The following EDN1 variants were observed in gnomAD, a reference collection of about 807,000 sequenced individuals.
EDN1 encodes the protein endothelin-1.
A neutral mutation model predicts 21.7 loss-of-function variants in EDN1; 11 were observed. That is an observed-to-expected ratio of 0.51 (90% CI 0.32 to 0.84). The LOEUF (loss-of-function observed/expected upper bound fraction) is 0.84, where lower values mean the gene tolerates loss of function less well. Ranked by LOEUF, EDN1 falls within the 40% of genes least tolerant of loss-of-function variation. EDN1 has a pLI of 0.03. For synonymous variants in EDN1, 85 were observed against 90.6 expected (o/e 0.94, Z 0.35); for missense variants, 244 against 262.3 (o/e 0.93, Z 0.48).
the EDN1 span, among the ~76,000 whole-genome samples, chr6:12,275,837 G>A: frequency 6.6e-6 from 1 of 151,170 alleles, no homozygotes; most frequent in South Asian, 2.1e-4. Flanking sequence ...GTGGATGCAT[G>A]CATGCCCATT....
At chr6:12,259,960 A>G in the EDN1 span, among the ~76,000 whole-genome samples, 2 of 148,426 alleles carry the variant, frequency 1.3e-5, no homozygotes, top group South Asian at 2.1e-4. Context: ...ACTTTAAAGT[A>G]AAATAATTAA....
the EDN1 span, among the ~76,000 whole-genome samples, chr6:12,274,210 C>T: frequency 6.6e-6 from 1 of 152,312 alleles, no homozygotes; most frequent in South Asian, 2.1e-4. Flanking sequence ...GGAGATATAA[C>T]TAATTCTAAT....
At chr6:12,267,808 T>A in the EDN1 span, among the ~76,000 whole-genome samples, 4 of 152,338 alleles carry the variant, frequency 2.6e-5, no homozygotes, top group South Asian at 8.3e-4. Context: ...GAGAAGTCAA[T>A]GCCTGGCTTC....
chr6:12,238,717 C>A, the EDN1 span, among the ~76,000 whole-genome samples: 1 of 152,100 alleles, frequency 6.6e-6, no homozygotes. Flanking sequence ...TGCAAGAAAA[C>A]CACCATTGTA....
At chr6:12,240,306 G>A in the EDN1 span, among the ~76,000 whole-genome samples, 7 of 152,220 alleles carry the variant, frequency 4.6e-5, no homozygotes, top group African/African-American at 1.7e-4. Context: ...ACCCACAGGC[G>A]GCAGTGAATG....
chr6:12,275,763 C>A, the EDN1 span, among the ~76,000 whole-genome samples: 1 of 151,882 alleles, frequency 6.6e-6, no homozygotes, highest in East Asian at 1.9e-4. Flanking sequence ...CAGACTCACT[C>A]TTTGAGCGAG....
At chr6:12,249,687 T>C in the EDN1 span, among the ~76,000 whole-genome samples, 1 of 152,032 alleles carries the variant, frequency 6.6e-6, no homozygotes, top group Non-Finnish European at 1.5e-5. Flanking sequence ...TATGGCTGTG[T>C]ACATCCTGGA....
At chr6:12,267,173 A>T in the EDN1 span, among the ~76,000 whole-genome samples, 1 of 152,066 alleles carries the variant, frequency 6.6e-6, no homozygotes, top group Non-Finnish European at 1.5e-5. Flanking sequence ...TATTGGCACC[A>T]TTTTTCCAAC....
chr6:12,270,664 T>C, the EDN1 span, among the ~76,000 whole-genome samples: 2 of 152,092 alleles, frequency 1.3e-5, no homozygotes, highest in African/African-American at 4.8e-5. Context: ...GATTTAAAAA[T>C]TTTTTTTGAC....
chr6:12,289,832 T>A (rs1762628644), upstream of EDN1, among the ~76,000 whole-genome samples: 1 of 152,156 alleles, frequency 6.6e-6, no homozygotes, highest in Non-Finnish European at 1.5e-5. Context: ...GAAAAGTACG[T>A]TGATCTGCCA....
chr6:12,261,625 C>T, the EDN1 span, among the ~76,000 whole-genome samples: 5 of 152,288 alleles, frequency 3.3e-5, no homozygotes, highest in African/African-American at 1.2e-4. Context: ...AGAACACTTC[C>T]CCTAATGCTA....
chr6:12,296,209 A>T lies in EDN1; in HGVS notation c.*142A>T. On this transcript the variant is annotated 3_prime_UTR_variant, in exon 5 of 5. Coordinates refer to ENST00000379375, the MANE Select transcript of EDN1 (RefSeq NM_001955.5). ...GCAAAGGACCAGCGTCCTCGTTCAA[A>T]ACATTCCAAGAAAGGTTAAGGAGTT... 2 of 762,796 alleles carry T rather than the reference A, an allele frequency of 2.6e-6. No individual in the cohort carries two copies. Among genetic ancestry groups the T allele is most frequent in the South Asian group, 2.8e-5 (2 of 71,054 alleles). 47.3% of individuals were successfully genotyped at this position (762,796 alleles called of 1,614,324 possible).
chr6:12,292,107 T>C (rs1762695950), intron 1 of EDN1, among the ~76,000 whole-genome samples: 1 of 152,160 alleles, frequency 6.6e-6, no homozygotes, highest in Admixed American at 6.5e-5. Flanking sequence ...CCTCTGCATT[T>C]GTGTAATCTC....
the EDN1 span, among the ~76,000 whole-genome samples, chr6:12,262,881 A>G: frequency 6.6e-6 from 1 of 151,792 alleles, no homozygotes; most frequent in Admixed American, 6.6e-5. Context: ...TAAAAAAAAA[A>G]AAAAAAAAAA....
At chr6:12,267,293 A>G in the EDN1 span, among the ~76,000 whole-genome samples, 1 of 152,060 alleles carries the variant, frequency 6.6e-6, no homozygotes, top group Non-Finnish European at 1.5e-5. Flanking sequence ...GTGATCTTTG[A>G]TGTTACTATT....
At chr6:12,261,151 G>T in the EDN1 span, among the ~76,000 whole-genome samples, 2 of 152,166 alleles carry the variant, frequency 1.3e-5, no homozygotes, top group African/African-American at 2.4e-5. Flanking sequence ...GTCGTTAGTA[G>T]ATTGTGGAGT....
chr6:12,286,958 A>C (rs1001587536), upstream of EDN1, among the ~76,000 whole-genome samples: 11 of 152,004 alleles, frequency 7.2e-5, no homozygotes, highest in Non-Finnish European at 1.3e-4. Context: ...CTACGAAAAA[A>C]TTTTAAAACT....
chr6:12,284,664 AAG>A, the EDN1 span, among the ~76,000 whole-genome samples: 9 of 135,064 alleles, frequency 6.7e-5, no homozygotes, highest in Middle Eastern at 3.6e-3. Context: ...GAGAAAGAAA[AAG>A]AGAGAAAGAA....
At chr6:12,255,330 A>G in the EDN1 span, among the ~76,000 whole-genome samples, 7 of 152,354 alleles carry the variant, frequency 4.6e-5, no homozygotes, top group East Asian at 1.3e-3. Context: ...AGCATACTAC[A>G]TCAATGGATC....
Sources: gnomAD v4.1 joint callset for allele counts (sites outside exome capture counted in the v4.1 genomes callset) on GRCh38, gnomAD v4.1.1 for gene constraint, MANE v1.5 for transcripts, NCBI Gene and HGNC (gene_info 2026-07-23, HGNC 2026-07-21) for gene names.